Variants in SCAI observed in about 807,000 individuals in gnomAD.
SCAI encodes suppressor of cancer cell invasion.
SCAI carries 24 observed loss-of-function variants against 92.2 expected under a neutral mutation model. The ratio of observed to expected loss-of-function variants is 0.26; its 90% CI spans 0.19 to 0.37. The LOEUF (loss-of-function observed/expected upper bound fraction) is 0.37, where lower values mean the gene tolerates loss of function less well. SCAI is among the 10% of genes least tolerant of loss of function. The probability of loss-of-function intolerance (pLI) is 1.00; values close to 1 mark genes in which losing one functional copy is unlikely to be tolerated. For synonymous variants in SCAI, 261 were observed against 258.6 expected (o/e 1.01, Z -0.09); for missense variants, 450 against 736.2 (o/e 0.61, Z 4.50).
chr9:125,140,618 C>T (rs1835643784), intron 2 of SCAI, among the ~76,000 whole-genome samples: 1 of 148,524 alleles, frequency 6.7e-6, no homozygotes, highest in Admixed American at 6.9e-5. Flanking sequence ...CTTTAGTAGG[C>T]CAAGGTGGTT....
At chr9:125,034,655 G>A (rs191538008) in intron 3 of SCAI, among the ~76,000 whole-genome samples, 8 of 152,270 alleles carry the variant, frequency 5.3e-5, no homozygotes, top group East Asian at 1.9e-4. Context: ...AGGCTGAGAC[G>A]GGAGGATTCA....
At chr9:125,139,022 G>A (rs962951076) in intron 2 of SCAI, among the ~76,000 whole-genome samples, 1 of 152,180 alleles carries the variant, frequency 6.6e-6, no homozygotes, top group African/African-American at 2.4e-5. Context: ...GCAGAGGGAG[G>A]GTGGGGGGAA....
intron 14 of SCAI, among the ~76,000 whole-genome samples, chr9:124,982,102 G>A (rs1171347505): frequency 6.6e-6 from 1 of 151,948 alleles, no homozygotes; most frequent in African/African-American, 2.4e-5. Context: ...TGCTAATTTT[G>A]TCTGGAAACA....
chr9:125,118,284 C>T (rs1196042033), intron 2 of SCAI, among the ~76,000 whole-genome samples: 1 of 152,080 alleles, frequency 6.6e-6, no homozygotes, highest in Non-Finnish European at 1.5e-5. Flanking sequence ...GAGGCCAGCA[C>T]AGGAGGATCA....
chr9:125,046,360 T>C lies in SCAI; in HGVS notation c.230+9516A>G, dbSNP rs149970811. On this transcript the variant is annotated intron_variant, in intron 3 of 17. Coordinates refer to ENST00000336505, the MANE Select transcript of SCAI (RefSeq NM_001144877.3). Reference sequence around the variant, plus strand: ...ATATATATGTGTGTGTGTGTATATATATATGAGATAGGCCATAAAAGGAAT... The same window carrying C: ...ATATATATGTGTGTGTGTGTATATACATATGAGATAGGCCATAAAAGGAAT... 6.1e-3 allele frequency among the ~76,000 whole-genome samples: 748 copies of C among 122,342 alleles called. 43 individuals are homozygous for C. The highest frequency in any genetic ancestry group is 0.055 in the Admixed American group (669 of 12,234). 80.3% of individuals were successfully genotyped at this position (122,342 alleles called of 152,430 possible). A position where few individuals can be genotyped will look rare whatever the true frequency, so the allele number is the denominator to read the frequency against.
chr9:124,970,271 ATGAG>A (rs1257373235), intron 17 of SCAI, among the ~76,000 whole-genome samples: 2 of 152,348 alleles, frequency 1.3e-5, no homozygotes, highest in Admixed American at 6.5e-5. Flanking sequence ...AACAAAATGA[ATGAG>A]TGAAAGCTAT....
chr9:125,029,778 T>C (rs1390955885), intron 3 of SCAI, 39 bp from the exon 4 acceptor site: 35 of 1,208,714 alleles, frequency 2.9e-5, no homozygotes, highest in Middle Eastern at 2.3e-4. Flanking sequence ...ATTAAACTTC[T>C]TATTCTATTT....
At chr9:125,035,885 T>C (rs360211) in intron 3 of SCAI, among the ~76,000 whole-genome samples, 4,077 of 152,234 alleles carry the variant, frequency 0.027, 168 homozygotes, top group African/African-American at 0.093. Flanking sequence ...AAGTGAGACC[T>C]TGTCTCTACA....
intron 14 of SCAI, among the ~76,000 whole-genome samples, chr9:124,981,040 C>A (rs1199593912): frequency 6.6e-6 from 1 of 152,144 alleles, no homozygotes; most frequent in Non-Finnish European, 1.5e-5. Context: ...ATCTTATAAT[C>A]TTTATTTGCA....
rs1440179501 is a variant in SCAI at position 124,944,061 on chromosome 9, G to C, written c.*8746C>G. 6.6e-5 allele frequency: 10 copies of C among 152,144 alleles called. No homozygotes were observed. The highest frequency in any genetic ancestry group is 1.0e-4 in the Non-Finnish European group (7 of 68,018). The allele number at this position is 152,144 out of a possible 1,614,324, so 9.4% of individuals were successfully genotyped here. A position where few individuals can be genotyped will look rare whatever the true frequency, so the allele number is the denominator to read the frequency against. On this transcript the variant is annotated 3_prime_UTR_variant, in exon 18 of 18. Coordinates refer to ENST00000336505, the MANE Select transcript of SCAI (RefSeq NM_001144877.3). ...TAAGATGTTTCTACCTCAACTGGAA[G>C]AATCATCCAAAATCTAAAGGTTTCT...
chr9:125,060,153 T>A (rs1833744471), intron 2 of SCAI, among the ~76,000 whole-genome samples: 1 of 152,020 alleles, frequency 6.6e-6, no homozygotes, highest in African/African-American at 2.4e-5. Flanking sequence ...AGTGTAGTCA[T>A]TAGCCTTTTG....
At chr9:124,962,323 C>T (rs978177741) in intron 17 of SCAI, among the ~76,000 whole-genome samples, 1 of 151,890 alleles carries the variant, frequency 6.6e-6, no homozygotes, top group Non-Finnish European at 1.5e-5. Context: ...CGACGCCCAG[C>T]TAATTTTTGT....
chr9:124,993,152 C>G (rs2131618817), intron 14 of SCAI, among the ~76,000 whole-genome samples: 1 of 152,354 alleles, frequency 6.6e-6, no homozygotes, highest in African/African-American at 2.4e-5. Flanking sequence ...CAGAGTACTT[C>G]TTTTGAATTC....
chr9:125,130,495 T>C (rs1032516042), intron 2 of SCAI, among the ~76,000 whole-genome samples: 3 of 152,120 alleles, frequency 2.0e-5, no homozygotes, highest in Non-Finnish European at 2.9e-5. Context: ...TTTTTAAAAA[T>C]TAAAAATTCA....
intron 14 of SCAI, among the ~76,000 whole-genome samples, chr9:124,992,309 T>C (rs918836520): frequency 1.3e-4 from 20 of 152,126 alleles, no homozygotes; most frequent in African/African-American, 4.6e-4. Flanking sequence ...GTAAGTAATA[T>C]TAATTTCTAA....
At chr9:125,024,200 A>G (rs564040130) in intron 6 of SCAI, among the ~76,000 whole-genome samples, 1 of 151,884 alleles carries the variant, frequency 6.6e-6, no homozygotes, top group East Asian at 1.9e-4. Flanking sequence ...CATGTTGTCA[A>G]CGTCAACATA....
chr9:125,111,147 G>A (rs1834921147), intron 2 of SCAI, among the ~76,000 whole-genome samples: 1 of 151,194 alleles, frequency 6.6e-6, no homozygotes, highest in African/African-American at 2.5e-5. Flanking sequence ...TCAGCAATAT[G>A]TTAAAAAAGG....
intron 3 of SCAI, among the ~76,000 whole-genome samples, chr9:125,050,824 C>T (rs115153674): frequency 0.027 from 4,057 of 152,138 alleles, 198 homozygotes; most frequent in African/African-American, 0.091. Context: ...CCTGCCTTCG[C>T]CTCCCAAAGT....
At chr9:125,130,059 C>A (rs545866927) in intron 2 of SCAI, among the ~76,000 whole-genome samples, 1 of 151,530 alleles carries the variant, frequency 6.6e-6, no homozygotes, top group African/African-American at 2.4e-5. Flanking sequence ...CCACCACGCC[C>A]AGCTAATTTT....
Sources: gnomAD v4.1 joint callset for allele counts (sites outside exome capture counted in the v4.1 genomes callset) on GRCh38, gnomAD v4.1.1 for gene constraint, MANE v1.5 for transcripts, NCBI Gene and HGNC (gene_info 2026-07-23, HGNC 2026-07-21) for gene names.